The following RANBP2 variants were observed in gnomAD, a reference collection of about 807,000 sequenced individuals.
RANBP2 encodes the protein E3 SUMO-protein ligase RanBP2.
A neutral mutation model predicts 303.6 loss-of-function variants in RANBP2; 57 were observed. That is an observed-to-expected ratio of 0.19 (90% CI 0.15 to 0.23). The LOEUF (loss-of-function observed/expected upper bound fraction) is 0.23, where lower values mean the gene tolerates loss of function less well. Among genes scored for constraint, RANBP2 ranks in the 10% least tolerant of loss-of-function variants. The probability of loss-of-function intolerance (pLI) is 1.00; values close to 1 mark genes in which losing one functional copy is unlikely to be tolerated. For missense variants in RANBP2, 3,138 were observed against 3,780.8 expected, an observed-to-expected ratio of 0.83 and a Z score of 4.46; for synonymous variants, 1,167 against 1,301.5, an observed-to-expected ratio of 0.90 and a Z score of 2.23.
At chr2:109,030,677 A>G in the RANBP2 span, among the ~76,000 whole-genome samples, 2 of 152,150 alleles carry the variant, frequency 1.3e-5, no homozygotes, top group Admixed American at 6.5e-5. Flanking sequence ...CCCCTCAGGC[A>G]TCTGAATTTT....
At chr2:109,133,146 G>C in the RANBP2 span, among the ~76,000 whole-genome samples, 1 of 152,212 alleles carries the variant, frequency 6.6e-6, no homozygotes, top group African/African-American at 2.4e-5. Flanking sequence ...CGTGGGCACT[G>C]ACCGGTGTCA....
At chr2:109,075,170 A>G in the RANBP2 span, among the ~76,000 whole-genome samples, 1 of 150,288 alleles carries the variant, frequency 6.7e-6, no homozygotes, top group African/African-American at 2.4e-5. Flanking sequence ...ATCAGAGCAG[A>G]AATAAGTAGG....
the RANBP2 span, among the ~76,000 whole-genome samples, chr2:109,477,798 A>C: frequency 6.6e-6 from 1 of 152,178 alleles, no homozygotes; most frequent in African/African-American, 2.4e-5. Context: ...CAATAGGGCA[A>C]GGGAGCTCTC....
chr2:108,876,312 C>A, the RANBP2 span: 8 of 908,994 alleles, frequency 8.8e-6, no homozygotes, highest in South Asian at 5.1e-5. Context: ...GTAGAAATTA[C>A]CAAAGTAACT....
the RANBP2 span, among the ~76,000 whole-genome samples, chr2:109,405,105 C>T: frequency 6.6e-6 from 1 of 151,696 alleles, no homozygotes; most frequent in Non-Finnish European, 1.5e-5. Context: ...CATGGGGGTT[C>T]ACCCTCTCCA....
At chr2:109,456,828 C>G in the RANBP2 span, among the ~76,000 whole-genome samples, 1 of 152,232 alleles carries the variant, frequency 6.6e-6, no homozygotes, top group African/African-American at 2.4e-5. Flanking sequence ...CAAGTGCCCA[C>G]TCCCCATTCT....
chr2:109,638,327 C>T, the RANBP2 span, among the ~76,000 whole-genome samples: 8 of 152,194 alleles, frequency 5.3e-5, no homozygotes, highest in Non-Finnish European at 8.8e-5. Context: ...GTAAACACTA[C>T]GTTTGCTCTC....
chr2:108,912,582 CA>C, the RANBP2 span: 1 of 1,206,050 alleles, frequency 8.3e-7, no homozygotes, highest in Non-Finnish European at 1.2e-6. Flanking sequence ...GGAAGCGCAC[CA>C]TAATCATCAC....
the RANBP2 span, chr2:108,910,552 T>C: frequency 5.0e-6 from 8 of 1,602,992 alleles, no homozygotes; most frequent in Admixed American, 1.3e-4. Flanking sequence ...AATGGGGAGG[T>C]TGGGGAGATA....
the RANBP2 span, among the ~76,000 whole-genome samples, chr2:109,450,757 T>C: frequency 6.6e-6 from 1 of 152,238 alleles, no homozygotes; most frequent in Non-Finnish European, 1.5e-5. Context: ...GCTGTATCCC[T>C]AGGGCGTTGG....
At chr2:108,891,087 A>G in the RANBP2 span, among the ~76,000 whole-genome samples, 1 of 151,846 alleles carries the variant, frequency 6.6e-6, no homozygotes. Flanking sequence ...ATTTCTTTGT[A>G]TTGTTTTTCA....
chr2:108,892,143 A>G, the RANBP2 span, among the ~76,000 whole-genome samples: 2 of 152,148 alleles, frequency 1.3e-5, no homozygotes, highest in South Asian at 2.1e-4. Context: ...CTACCACTGG[A>G]CAGAGTGTGG....
At chr2:109,005,853 C>T in the RANBP2 span, among the ~76,000 whole-genome samples, 1 of 152,194 alleles carries the variant, frequency 6.6e-6, no homozygotes, top group Admixed American at 6.5e-5. Context: ...CAACAGCTGA[C>T]GTCGTTCTCA....
At chr2:109,332,242 G>A in the RANBP2 span, among the ~76,000 whole-genome samples, 1 of 152,136 alleles carries the variant, frequency 6.6e-6, no homozygotes, top group African/African-American at 2.4e-5. Flanking sequence ...TCTGAGTTCA[G>A]GGTAGAAACA....
chr2:109,012,707 G>T, the RANBP2 span, among the ~76,000 whole-genome samples: 1 of 152,198 alleles, frequency 6.6e-6, no homozygotes, highest in African/African-American at 2.4e-5. Flanking sequence ...GAGGTCAGGA[G>T]ATCGAGACCA....
the RANBP2 span, among the ~76,000 whole-genome samples, chr2:109,766,709 T>TA: frequency 1.7e-5 from 2 of 114,950 alleles, no homozygotes; most frequent in African/African-American, 4.1e-5. Context: ...ATAGGCAAAT[T>TA]AAGAAAAAAA....
chr2:109,223,186 T>A, the RANBP2 span, among the ~76,000 whole-genome samples: 2 of 152,188 alleles, frequency 1.3e-5, no homozygotes, highest in African/African-American at 4.8e-5. Context: ...CTGCCACAGA[T>A]CATGAATGCT....
the RANBP2 span, among the ~76,000 whole-genome samples, chr2:109,377,218 C>A: frequency 2.0e-5 from 3 of 152,162 alleles, no homozygotes; most frequent in African/African-American, 7.2e-5. Context: ...CTCCACTTGG[C>A]TAATAAGAAG....
chr2:109,005,197 C>T, the RANBP2 span, among the ~76,000 whole-genome samples: 1 of 152,228 alleles, frequency 6.6e-6, no homozygotes, highest in Non-Finnish European at 1.5e-5. Flanking sequence ...ATGGGCCTTG[C>T]TCAGGAGGAA....
Sources: gnomAD v4.1 joint callset for allele counts (sites outside exome capture counted in the v4.1 genomes callset) on GRCh38, gnomAD v4.1.1 for gene constraint, MANE v1.5 for transcripts, NCBI Gene and HGNC (gene_info 2026-07-23, HGNC 2026-07-21) for gene names.